Variants in C8orf34 observed in about 807,000 individuals in gnomAD.
The protein encoded by C8orf34 is chromosome 8 open reading frame 34.
In C8orf34, 65 loss-of-function variants were observed where a neutral mutation model predicts 68.3. The ratio of observed to expected loss-of-function variants is 0.95; its 90% CI spans 0.78 to 1.17. The LOEUF (loss-of-function observed/expected upper bound fraction) is 1.17, where lower values mean the gene tolerates loss of function less well. C8orf34 is among the 50% of genes most tolerant of loss of function. The probability of loss-of-function intolerance (pLI) is 0.00; values close to 1 mark genes in which losing one functional copy is unlikely to be tolerated. For missense variants in C8orf34, 664 were observed against 655.4 expected (o/e 1.01, Z -0.14); for synonymous variants, 244 against 241.2 (o/e 1.01, Z -0.11).
chr8:68,637,775 C>T (rs1413381451), intron 7 of C8orf34, among the ~76,000 whole-genome samples: 1 of 152,036 alleles, frequency 6.6e-6, no homozygotes, highest in Non-Finnish European at 1.5e-5. Context: ...TTGATTTATC[C>T]ATGTAAGTTC....
At chr8:68,534,731 A>G in intron 7 of C8orf34, 2 of 985,290 alleles carry the variant, frequency 2.0e-6, no homozygotes, top group Middle Eastern at 5.2e-4. Flanking sequence ...TCTGCTTTGG[A>G]CAGTAACAGG....
chr8:68,567,984 T>C (rs879391939), intron 7 of C8orf34, among the ~76,000 whole-genome samples: 4 of 151,936 alleles, frequency 2.6e-5, no homozygotes, highest in Non-Finnish European at 4.4e-5. Flanking sequence ...GGATTATTAA[T>C]TGGCCTAATT....
chr8:68,588,445 A>G (rs1232168160), intron 7 of C8orf34, among the ~76,000 whole-genome samples: 1 of 152,166 alleles, frequency 6.6e-6, no homozygotes, highest in Non-Finnish European at 1.5e-5. Context: ...GTATTCTTTT[A>G]ATCAATAATA....
chr8:68,534,568 G>A, intron 7 of C8orf34: 1 of 940,638 alleles, frequency 1.1e-6, no homozygotes, highest in South Asian at 4.9e-5. Flanking sequence ...CAGTGACCCA[G>A]GAATGTTTCC....
At chr8:68,520,131 G>A (rs2129656201) in intron 5 of C8orf34, among the ~76,000 whole-genome samples, 1 of 152,260 alleles carries the variant, frequency 6.6e-6, no homozygotes, top group South Asian at 2.1e-4. Context: ...AGGGATATAA[G>A]TATAGAAAGA....
chr8:68,556,224 A>C (rs1035308949), intron 7 of C8orf34, among the ~76,000 whole-genome samples: 1 of 151,434 alleles, frequency 6.6e-6, no homozygotes, highest in East Asian at 1.9e-4. Context: ...ATTTATCTCA[A>C]TCTCTATCTA....
rs1027850446 is a variant in C8orf34 at position 68,626,936 on chromosome 8, C to G, written c.1106-13440C>G. Among the ~76,000 whole-genome samples the G allele has an allele frequency of 3.2e-4, 49 of 151,972 alleles. 1 individual carries two copies. The highest frequency in any genetic ancestry group is 1.0e-4 in the Non-Finnish European group (7 of 68,008). On this transcript the variant is annotated intron_variant, in intron 7 of 13. Transcript: ENST00000518698. The stretch of plus-strand genomic sequence containing the variant: ...TTTTCAAAAAGACTGACTTAACTCT[C>G]AAGAAATATTAAATATATAAGATTT...
At chr8:68,437,560 C>T (rs1810715065) in intron 1 of C8orf34, among the ~76,000 whole-genome samples, 1 of 152,042 alleles carries the variant, frequency 6.6e-6, no homozygotes, top group Admixed American at 6.6e-5. Context: ...AGATTGCATT[C>T]CACAGATGTA....
At chr8:68,438,382 T>C (rs1339188763) in intron 1 of C8orf34, 2 of 152,094 alleles carry the variant, frequency 1.3e-5, no homozygotes, top group Non-Finnish European at 2.9e-5. Flanking sequence ...CTTGTAGAAG[T>C]ATCATTGGAG....
At chr8:68,728,173 G>A (rs1821885534) in intron 10 of C8orf34, among the ~76,000 whole-genome samples, 1 of 152,114 alleles carries the variant, frequency 6.6e-6, no homozygotes, top group Non-Finnish European at 1.5e-5. Context: ...CAAGTTCAAA[G>A]TACCACAAAT....
At chr8:68,352,624 C>T (rs985591471) in intron 1 of C8orf34, among the ~76,000 whole-genome samples, 1 of 152,008 alleles carries the variant, frequency 6.6e-6, no homozygotes, top group Non-Finnish European at 1.5e-5. Flanking sequence ...GGGACCCTTC[C>T]TACAATTTTT....
intron 7 of C8orf34, among the ~76,000 whole-genome samples, chr8:68,576,058 C>A (rs1816896327): frequency 6.8e-6 from 1 of 147,490 alleles, no homozygotes; most frequent in Admixed American, 6.9e-5. Context: ...TTTTCTAGGA[C>A]CTGTACAATA....
chr8:68,542,006 G>A (rs984793534), intron 7 of C8orf34, among the ~76,000 whole-genome samples: 2 of 152,026 alleles, frequency 1.3e-5, no homozygotes, highest in South Asian at 2.1e-4. Flanking sequence ...TTGTTATTAG[G>A]TGGGTGCAAA....
At chr8:68,482,459 G>C (rs1466501449) in intron 4 of C8orf34, among the ~76,000 whole-genome samples, 2 of 152,128 alleles carry the variant, frequency 1.3e-5, no homozygotes, top group Non-Finnish European at 2.9e-5. Context: ...AATATAAGTA[G>C]AGACAAGGTC....
Position 68,358,959 on chromosome 8 carries a change from A to G in C8orf34, c.327+27620A>G, listed in dbSNP as rs184586348. Among the ~76,000 whole-genome samples, 87 of 152,214 alleles carry G rather than the reference A, an allele frequency of 5.7e-4. 1 individual carries two copies. In the East Asian group the frequency reaches 0.015, roughly 26 times the overall value. Reference sequence around the variant, plus strand: ...AGTGATCCACCCACTTCGGCCTCCCAAAGTGCTGGGATTATAGGCGTGCAC... The same window carrying G: ...AGTGATCCACCCACTTCGGCCTCCCGAAGTGCTGGGATTATAGGCGTGCAC... On this transcript the variant is annotated intron_variant, in intron 1 of 13. Coordinates refer to ENST00000518698, the MANE Select transcript of C8orf34 (RefSeq NM_052958.4).
chr8:68,811,558 G>T (rs1449879564), intron 12 of C8orf34, among the ~76,000 whole-genome samples: 1 of 152,178 alleles, frequency 6.6e-6, no homozygotes, highest in Non-Finnish European at 1.5e-5. Flanking sequence ...CGCAGCAGCC[G>T]CTCCAGATGG....
chr8:68,631,945 GT>G (rs1818702185), intron 7 of C8orf34, among the ~76,000 whole-genome samples: 1 of 152,106 alleles, frequency 6.6e-6, no homozygotes, highest in Non-Finnish European at 1.5e-5. Context: ...TTTATACAGT[GT>G]GAAAAAGGGC....
intron 10 of C8orf34, among the ~76,000 whole-genome samples, chr8:68,775,070 GAA>G (rs35109353): frequency 1.4e-4 from 18 of 124,228 alleles, no homozygotes; most frequent in Non-Finnish European, 1.0e-4. Context: ...GTAAGCCCAG[GAA>G]AAAAAAAAAA....
chr8:68,613,151 A>C (rs1488441442), intron 7 of C8orf34, among the ~76,000 whole-genome samples: 1 of 152,150 alleles, frequency 6.6e-6, no homozygotes, highest in Admixed American at 6.6e-5. Flanking sequence ...AGTGAGATTA[A>C]AGGAAAGTGG....
Sources: allele counts gnomAD v4.1 joint callset (sites outside exome capture counted in the v4.1 genomes callset), GRCh38; gene constraint gnomAD v4.1.1; transcripts MANE v1.5; gene names NCBI Gene and HGNC (gene_info 2026-07-23, HGNC 2026-07-21).